The following DPP6 variants were observed in gnomAD, a reference collection of about 807,000 sequenced individuals.
DPP6 encodes A-type potassium channel modulatory protein DPP6.
Under a neutral mutation model 122.6 loss-of-function variants are expected in DPP6, and 69 were observed. The observed-to-expected ratio is 0.56, with a 90% CI of 0.46 to 0.69. The LOEUF (loss-of-function observed/expected upper bound fraction) is 0.69, where lower values mean the gene tolerates loss of function less well. Among genes scored for constraint, DPP6 ranks in the 30% least tolerant of loss-of-function variants. The pLI, the probability that DPP6 is intolerant of heterozygous loss-of-function variation, is 0.00. For missense variants in DPP6, 928 were observed against 1,116.9 expected (o/e 0.83, Z 2.41); for synonymous variants, 418 against 433.1 (o/e 0.97, Z 0.43).
intron 1 of DPP6, among the ~76,000 whole-genome samples, chr7:154,296,852 G>A (rs1408098515): frequency 6.6e-6 from 1 of 152,182 alleles, no homozygotes; most frequent in African/African-American, 2.4e-5. Context: ...ACTGAGCCCT[G>A]TTTGATGAAA....
At chr7:153,812,089 G>A in the DPP6 span, among the ~76,000 whole-genome samples, 11 of 152,048 alleles carry the variant, frequency 7.2e-5, no homozygotes, top group Non-Finnish European at 1.0e-4. Context: ...CCGGATCTCC[G>A]TGGGCACTTT....
At chr7:153,845,110 T>C in the DPP6 span, among the ~76,000 whole-genome samples, 2 of 152,198 alleles carry the variant, frequency 1.3e-5, no homozygotes, top group South Asian at 4.1e-4. Flanking sequence ...ATCAATGTAA[T>C]AGACAATGTA....
chr7:153,907,043 T>A (rs1033209569), intron 1 of DPP6, among the ~76,000 whole-genome samples: 2 of 152,222 alleles, frequency 1.3e-5, no homozygotes, highest in Non-Finnish European at 2.9e-5. Flanking sequence ...TAGATCAAAG[T>A]GTAGTTCCAT....
At chr7:154,065,101 T>A (rs1461806732) in intron 1 of DPP6, among the ~76,000 whole-genome samples, 1 of 152,060 alleles carries the variant, frequency 6.6e-6, no homozygotes, top group Non-Finnish European at 1.5e-5. Flanking sequence ...CATCTGAATT[T>A]CCATAGCATT....
chr7:154,051,524 C>T (rs1394827695), upstream of DPP6, among the ~76,000 whole-genome samples: 1 of 144,622 alleles, frequency 6.9e-6, no homozygotes, highest in Non-Finnish European at 1.5e-5. Context: ...CACACAGGGG[C>T]GCTGGAGCGC....
intron 1 of DPP6, among the ~76,000 whole-genome samples, chr7:154,426,551 G>A (rs972385829): frequency 9.9e-5 from 15 of 152,108 alleles, no homozygotes; most frequent in Non-Finnish European, 1.6e-4. Context: ...TTTCAGTGGG[G>A]TGCATCTCAT....
chr7:154,068,165 G>T (rs1288879855), intron 1 of DPP6, among the ~76,000 whole-genome samples: 6 of 152,096 alleles, frequency 3.9e-5, no homozygotes, highest in Non-Finnish European at 7.4e-5. Context: ...GTCCTTAGGG[G>T]TGTCAACATT....
At chr7:154,523,743 A>C (rs1472573732) in intron 3 of DPP6, among the ~76,000 whole-genome samples, 1 of 152,118 alleles carries the variant, frequency 6.6e-6, no homozygotes, top group Admixed American at 6.5e-5. Context: ...TCCGCACTTG[A>C]CTGATTGCTT....
intron 1 of DPP6, among the ~76,000 whole-genome samples, chr7:154,076,242 G>C (rs1803541193): frequency 1.3e-5 from 2 of 152,188 alleles, no homozygotes; most frequent in Non-Finnish European, 2.9e-5. Context: ...CTGAGGTCAG[G>C]AGTTCAAGAC....
At chr7:154,758,351 G>T (rs1358415219) in intron 8 of DPP6, among the ~76,000 whole-genome samples, 4 of 151,376 alleles carry the variant, frequency 2.6e-5, no homozygotes, top group African/African-American at 7.3e-5. Flanking sequence ...AATCTTTTCA[G>T]ACTGTGATGA....
At chr7:154,268,574 A>C (rs1160954339) in intron 1 of DPP6, among the ~76,000 whole-genome samples, 2 of 152,188 alleles carry the variant, frequency 1.3e-5, no homozygotes, top group African/African-American at 4.8e-5. Flanking sequence ...TAGGATTCTG[A>C]CATAGGGATT....
At chr7:154,705,248 G>A (rs780783893) in intron 7 of DPP6, among the ~76,000 whole-genome samples, 2 of 152,158 alleles carry the variant, frequency 1.3e-5, no homozygotes, top group Non-Finnish European at 2.9e-5. Flanking sequence ...ACAAAAAGGG[G>A]AATGTCTTAC....
intron 25 of DPP6, 122 bp downstream of exon 25, chr7:154,889,652 GA>G: frequency 6.8e-7 from 1 of 1,470,672 alleles, no homozygotes; most frequent in Non-Finnish European, 9.1e-7. Flanking sequence ...GGTGGTCGGT[GA>G]TGAGCAAGGT....
At chr7:154,028,156 T>C (rs1305429181) in intron 1 of DPP6, among the ~76,000 whole-genome samples, 1 of 151,848 alleles carries the variant, frequency 6.6e-6, no homozygotes, top group African/African-American at 2.4e-5. Flanking sequence ...TTGTGTGGGG[T>C]TCTTAAAAAT....
chr7:154,075,900 C>A (rs1161590718), intron 1 of DPP6, among the ~76,000 whole-genome samples: 1 of 151,298 alleles, frequency 6.6e-6, no homozygotes, highest in Admixed American at 6.6e-5. Flanking sequence ...CTTATTTTGG[C>A]AAATTATTTT....
At chr7:153,896,196 G>A (rs1180537702) in intron 1 of DPP6, among the ~76,000 whole-genome samples, 1 of 152,088 alleles carries the variant, frequency 6.6e-6, no homozygotes, top group Non-Finnish European at 1.5e-5. Flanking sequence ...TCATTTTATG[G>A]TATTGGTCCT....
chr7:154,741,655 T>C (rs1842827409), intron 8 of DPP6, among the ~76,000 whole-genome samples: 1 of 152,256 alleles, frequency 6.6e-6, no homozygotes, highest in South Asian at 2.1e-4. Context: ...GGATACTTCC[T>C]GTAGGTGTCA....
chr7:154,302,874 C>T (rs1410458282), intron 1 of DPP6, among the ~76,000 whole-genome samples: 1 of 152,126 alleles, frequency 6.6e-6, no homozygotes, highest in Non-Finnish European at 1.5e-5. Context: ...TCCTGGATAT[C>T]ACCCCTGGGT....
intron 5 of DPP6, among the ~76,000 whole-genome samples, chr7:154,596,874 G>C (rs2130757573): frequency 6.7e-6 from 1 of 150,138 alleles, no homozygotes; most frequent in South Asian, 2.1e-4. Flanking sequence ...TATTGTATTG[G>C]TCCATTTGTT....
Sources: allele counts gnomAD v4.1 joint callset (sites outside exome capture counted in the v4.1 genomes callset), GRCh38; gene constraint gnomAD v4.1.1; transcripts MANE v1.5; gene names NCBI Gene and HGNC (gene_info 2026-07-23, HGNC 2026-07-21).